Variants in PPP3CC observed in about 807,000 individuals in gnomAD.
PPP3CC encodes the protein protein phosphatase 3 catalytic subunit gamma.
In PPP3CC, 35 loss-of-function variants were observed where a neutral mutation model predicts 60.3. The ratio of observed to expected loss-of-function variants is 0.58; its 90% CI spans 0.44 to 0.77. The LOEUF is 0.77. PPP3CC is among the 30% of genes least tolerant of loss of function. The pLI, the probability that PPP3CC is intolerant of heterozygous loss-of-function variation, is 0.00. For synonymous variants in PPP3CC, 206 were observed against 224.3 expected (o/e 0.92, Z 0.73); for missense variants, 570 against 628.9 (o/e 0.91, Z 1.00).
chr8:22,540,772 G>A lies in PPP3CC; in HGVS notation c.1509G>A (p.Arg503=). The A allele has an allele frequency of 1.2e-6, 2 of 1,613,068 alleles. No individual in the cohort carries two copies. Among genetic ancestry groups the A allele is most frequent in the Non-Finnish European group, 1.7e-6 (2 of 1,179,570 alleles). The change falls in exon 14 of 14, where the codon AGG becomes AGA. Residue 503 remains arginine, a synonymous_variant. Transcript: ENST00000240139. ...VTSAHSHAAH[R]SDQGKKAHS ...CAGCACACTCACATGCTGCGCACAG[G>A]AGCGACCAAGGGAAGAAAGCCCATT...
At position 22,495,788 on chromosome 8, in the gene PPP3CC, A is replaced by C. The variant is rs558621493; in HGVS notation, c.373-2213A>C. Among the ~76,000 whole-genome samples, 27 of 152,186 alleles carry C rather than the reference A, an allele frequency of 1.8e-4. No individual in the cohort carries two copies. The East Asian group carries it at 3.9e-3, about 22-fold the overall frequency. On this transcript the variant is annotated intron_variant, in intron 3 of 13. Transcript: ENST00000240139. ...TGGCCAGGCTGGTCTCAAGCTCCTG[A>C]CTTCAGGTGATCTGCCTGCCTCTGC...
intron 4 of PPP3CC, among the ~76,000 whole-genome samples, chr8:22,501,010 T>A (rs947118870): frequency 1.3e-5 from 2 of 151,938 alleles, no homozygotes; most frequent in Non-Finnish European, 2.9e-5. Context: ...CACAAAAAAT[T>A]AGCTGTGCAT....
chr8:22,485,177 C>G (rs964915305), intron 3 of PPP3CC, among the ~76,000 whole-genome samples: 1 of 152,098 alleles, frequency 6.6e-6, no homozygotes, highest in African/African-American at 2.4e-5. Context: ...ATTGTGGGTG[C>G]TCTGGTTTAA....
chr8:22,455,241 A>G (rs1837161875), intron 1 of PPP3CC, among the ~76,000 whole-genome samples: 1 of 152,180 alleles, frequency 6.6e-6, no homozygotes, highest in Non-Finnish European at 1.5e-5. Context: ...ATACTACTTG[A>G]AAAGTACTCA....
intron 6 of PPP3CC, among the ~76,000 whole-genome samples, chr8:22,514,072 C>A (rs1839169633): frequency 6.6e-6 from 1 of 151,940 alleles, no homozygotes; most frequent in Non-Finnish European, 1.5e-5. Context: ...ATGGCAAAAC[C>A]CCATCTCTGC....
chr8:22,490,013 CGAG>C (rs1181557595), intron 3 of PPP3CC, among the ~76,000 whole-genome samples: 2 of 151,262 alleles, frequency 1.3e-5, no homozygotes, highest in African/African-American at 4.9e-5. Context: ...TTAGTAGAGA[CGAG>C]GTTTCACCAT....
intron 1 of PPP3CC, among the ~76,000 whole-genome samples, chr8:22,443,738 C>T (rs1157288334): frequency 6.6e-6 from 1 of 152,130 alleles, no homozygotes; most frequent in African/African-American, 2.4e-5. Flanking sequence ...AAAACTTCGG[C>T]ATAAGAGCTT....
chr8:22,532,292 C>T lies in PPP3CC; in HGVS notation c.1209C>T (p.Val403=). 1 of 1,611,456 alleles carries T rather than the reference C, an allele frequency of 6.2e-7. No homozygotes were observed. Among genetic ancestry groups the T allele is most frequent in the Non-Finnish European group, 8.5e-7 (1 of 1,177,648 alleles). ...KIRAIGKMAR[V]FSILRQESES... ...GAGCCATTGGGAAGATGGCACGGGT[C>T]TTTTCAATTCTTCGGTAAGGATGTC... The change falls in exon 11 of 14, where the codon GTC becomes GTT. Residue 403 remains valine (V), a synonymous_variant. Coordinates refer to ENST00000240139, the MANE Select transcript of PPP3CC (RefSeq NM_005605.5).
chr8:22,502,867 T>TTTTTTGTTTTGTTTTTGTTTTG (rs879349688), intron 4 of PPP3CC, among the ~76,000 whole-genome samples: 1 of 152,034 alleles, frequency 6.6e-6, no homozygotes, highest in Non-Finnish European at 1.5e-5. Flanking sequence ...CTTAGAGGGT[T>TTTTTTGTTTTGTTTTTGTTTTG]TTTTTGTTTT....
chr8:22,467,542 A>G (rs1837580717), intron 1 of PPP3CC, among the ~76,000 whole-genome samples: 1 of 152,034 alleles, frequency 6.6e-6, no homozygotes. Context: ...TCCTGGGTTC[A>G]AGTGATTCTC....
intron 1 of PPP3CC, among the ~76,000 whole-genome samples, chr8:22,448,372 C>CTT (rs1383454743): frequency 1.7e-4 from 24 of 144,790 alleles, no homozygotes; most frequent in African/African-American, 5.3e-4. Flanking sequence ...GGTATTATAC[C>CTT]TTTTTTTTGT....
At chr8:22,444,277 A>C (rs1586775176) in intron 1 of PPP3CC, among the ~76,000 whole-genome samples, 1 of 149,578 alleles carries the variant, frequency 6.7e-6, no homozygotes, top group Non-Finnish European at 1.5e-5. Flanking sequence ...AAAAAAAAAA[A>C]CTCATCTGTA....
At chr8:22,470,235 C>T (rs758333276) in intron 1 of PPP3CC, among the ~76,000 whole-genome samples, 26 of 151,952 alleles carry the variant, frequency 1.7e-4, no homozygotes, top group Non-Finnish European at 2.9e-4. Flanking sequence ...GTTCCTCCTG[C>T]CATAGCCTCC....
chr8:22,530,454 CA>C (rs1435035413), intron 10 of PPP3CC, among the ~76,000 whole-genome samples: 33 of 151,584 alleles, frequency 2.2e-4, no homozygotes, highest in African/African-American at 7.5e-4. Flanking sequence ...GACCCTGTCT[CA>C]AACAAACAAA....
intron 8 of PPP3CC, among the ~76,000 whole-genome samples, chr8:22,524,274 G>A (rs569100747): frequency 6.6e-6 from 1 of 152,222 alleles, no homozygotes; most frequent in Non-Finnish European, 1.5e-5. Context: ...GGGGAGATAA[G>A]TTTCAAAGAT....
chr8:22,483,404 A>C (rs1280681513), intron 3 of PPP3CC, among the ~76,000 whole-genome samples: 1 of 152,122 alleles, frequency 6.6e-6, no homozygotes, highest in African/African-American at 2.4e-5. Context: ...CTCCTGCCTC[A>C]GCCTCCTGAG....
intron 1 of PPP3CC, among the ~76,000 whole-genome samples, chr8:22,449,547 A>T (rs984508617): frequency 1.3e-5 from 2 of 151,856 alleles, no homozygotes; most frequent in African/African-American, 4.8e-5. Context: ...TAGTGTCTTA[A>T]TGGGGGAAAG....
At chr8:22,457,362 G>T (rs1837233969) in intron 1 of PPP3CC, among the ~76,000 whole-genome samples, 2 of 150,158 alleles carry the variant, frequency 1.3e-5, no homozygotes, top group Admixed American at 1.3e-4. Flanking sequence ...TTTTTCCAAG[G>T]CTGGATCTCG....
At chr8:22,442,327 T>C (rs1563657401) in intron 1 of PPP3CC, among the ~76,000 whole-genome samples, 1 of 152,220 alleles carries the variant, frequency 6.6e-6, no homozygotes, top group African/African-American at 2.4e-5. Context: ...CCAGCTGTGT[T>C]AGTGGCCTCT....
Sources: allele counts gnomAD v4.1 joint callset (sites outside exome capture counted in the v4.1 genomes callset), GRCh38; gene constraint gnomAD v4.1.1; transcripts MANE v1.5; gene names NCBI Gene and HGNC (gene_info 2026-07-23, HGNC 2026-07-21).